HMCES: variants seen among roughly 807,000 people sequenced by gnomAD.
HMCES encodes abasic site processing protein HMCES.
Under a neutral mutation model 35.1 loss-of-function variants are expected in HMCES, and 27 were observed. The observed-to-expected ratio is 0.77, with a 90% CI of 0.57 to 1.06. The LOEUF is 1.06. Among genes scored for constraint, HMCES ranks in the 50% least tolerant of loss-of-function variants. The pLI is 0.00. For missense variants in HMCES, 391 were observed against 430.4 expected, an observed-to-expected ratio of 0.91 and a Z score of 0.81; for synonymous variants, 130 against 154.7, an observed-to-expected ratio of 0.84 and a Z score of 1.18.
Position 129,289,000 on chromosome 3 carries a change from A to G in HMCES, c.327+3A>G. 6.4e-7 allele frequency: 1 copy of G among 1,552,356 alleles called. No individual in the cohort carries two copies. On this transcript the variant is annotated splice_donor_region_variant and intron_variant, in intron 3 of 6. Coordinates refer to ENST00000383463, the MANE Select transcript of HMCES (RefSeq NM_020187.3). ...TAATGGAGAAACGGTCATTTAAGGT[A>G]GGTGGCTGGTAGCTATTAGTGCCCC... is the stretch of plus-strand genomic sequence containing the variant.
In HMCES at chr3:129,287,770, C is replaced by T. The variant is rs546789606; in HGVS notation, c.184-1084C>T. Among the ~76,000 whole-genome samples, 150 of 152,212 alleles carry T rather than the reference C, an allele frequency of 9.9e-4. 1 individual carries two copies. Among genetic ancestry groups the T allele is most frequent in the South Asian group, 5.8e-3 (28 of 4,816 alleles). On this transcript the variant is annotated intron_variant, in intron 2 of 6. Transcript: ENST00000383463. ...GGAAAATCACTTGAGCCTAAGAGTT[C>T]GAGACCAGGCCAGGCACAGGGGCTC... is the stretch of plus-strand genomic sequence containing the variant.
At chr3:129,295,156 C>A (rs2071076621) in intron 4 of HMCES, among the ~76,000 whole-genome samples, 1 of 122,256 alleles carries the variant, frequency 8.2e-6, no homozygotes. Flanking sequence ...GAGACTCCAT[C>A]TCAAAAAAAA....
In HMCES at chr3:129,295,970, G is replaced by C. The variant is rs141575623; in HGVS notation, c.454-2384G>C. Among the ~76,000 whole-genome samples, 543 of 152,190 alleles carry C rather than the reference G, an allele frequency of 3.6e-3. 2 individuals are homozygous for C. The highest frequency in any genetic ancestry group is 0.012 in the African/African-American group (500 of 41,516). ...TGGGATTCTAATGACACATGTGTTA[G>C]ATGATTTAATTGTACCATCGTTCTT... On this transcript the variant is annotated intron_variant, in intron 4 of 6. Coordinates refer to ENST00000383463, the MANE Select transcript of HMCES (RefSeq NM_020187.3).
chr3:129,298,337 A>G lies in HMCES; in HGVS notation c.454-17A>G, dbSNP rs375198076. The G allele has an allele frequency of 3.7e-6, 6 of 1,613,604 alleles. No homozygotes were observed. The African/African-American group carries it at 5.3e-5, about 14-fold the overall frequency. On this transcript the variant is annotated splice_polypyrimidine_tract_variant and intron_variant, in intron 4 of 6. Coordinates refer to ENST00000383463, the MANE Select transcript of HMCES (RefSeq NM_020187.3). ...TCTGCTGAGTGCATCTAATCTGCCC[A>G]TATATTTTGCTTCCAGTCAGGTAGC...
At chr3:129,283,734 G>C (rs1470280333) in intron 2 of HMCES, among the ~76,000 whole-genome samples, 2 of 152,138 alleles carry the variant, frequency 1.3e-5, no homozygotes, top group Non-Finnish European at 2.9e-5. Context: ...GGAGGCTGAG[G>C]CAGGAGAATC....
intron 5 of HMCES, among the ~76,000 whole-genome samples, chr3:129,300,712 CTG>C (rs1200109752): frequency 6.6e-6 from 1 of 151,734 alleles, no homozygotes; most frequent in East Asian, 1.9e-4. Context: ...CTGGCGAACA[CTG>C]TGAAACCCCA....
At chr3:129,291,958 C>T (rs1469311129) in intron 4 of HMCES, among the ~76,000 whole-genome samples, 1 of 152,024 alleles carries the variant, frequency 6.6e-6, no homozygotes, top group Non-Finnish European at 1.5e-5. Flanking sequence ...TGGGCGTGGT[C>T]CCAGCTACTT....
intron 2 of HMCES, among the ~76,000 whole-genome samples, chr3:129,285,751 A>G (rs1178768074): frequency 7.2e-6 from 1 of 139,478 alleles, no homozygotes; most frequent in Non-Finnish European, 1.6e-5. Flanking sequence ...CCGGCCCAGG[A>G]TTTTTTTTTT....
chr3:129,290,733 TG>T lies in HMCES; in HGVS notation c.384del (p.Trp128CysfsTer47). On this transcript the variant is annotated frameshift_variant, in exon 4 of 7. Coordinates refer to ENST00000383463, the MANE Select transcript of HMCES (RefSeq NM_020187.3). LOFTEE classifies it high-confidence loss of function. ...CVVLADGFYE[W>X]QRCQGTNQRQ... is the part of the protein sequence containing the mutation. ...CGTTTTAGCAGATGGATTCTATGAG[TG>T]GCAGCGATGTCAGGGAACAAACCAG... The T allele has an allele frequency of 6.2e-7, 1 of 1,613,572 alleles. No homozygotes were observed. The highest frequency in any genetic ancestry group is 8.5e-7 in the Non-Finnish European group (1 of 1,179,544).
chr3:129,284,373 C>G (rs1248712905), intron 2 of HMCES, among the ~76,000 whole-genome samples: 1 of 152,176 alleles, frequency 6.6e-6, no homozygotes. Context: ...AGTTATAGTG[C>G]TCTTGGTCTT....
intron 5 of HMCES, among the ~76,000 whole-genome samples, chr3:129,300,254 C>T (rs1317222432): frequency 1.3e-5 from 2 of 150,282 alleles, no homozygotes; most frequent in African/African-American, 4.9e-5. Flanking sequence ...ATGCAGTGAG[C>T]CAAAGTAGCA....
chr3:129,282,734 T>C (rs1225400798), intron 2 of HMCES, among the ~76,000 whole-genome samples: 1 of 152,250 alleles, frequency 6.6e-6, no homozygotes, highest in Non-Finnish European at 1.5e-5. Flanking sequence ...CATATGTATA[T>C]AGATAGCAAC....
chr3:129,299,645 C>CT (rs2071136549), intron 5 of HMCES, among the ~76,000 whole-genome samples: 3 of 125,322 alleles, frequency 2.4e-5, no homozygotes, highest in Admixed American at 1.8e-4. Context: ...CTTATAGGTG[C>CT]TTCTTTTTTT....
intron 2 of HMCES, among the ~76,000 whole-genome samples, chr3:129,285,364 G>A (rs751034087): frequency 1.3e-5 from 2 of 151,974 alleles, no homozygotes; most frequent in Non-Finnish European, 2.9e-5. Context: ...TATCCCACAG[G>A]GTAATTATTG....
At chr3:129,290,190 C>CAAAAAA (rs747358663) in intron 3 of HMCES, among the ~76,000 whole-genome samples, 3 of 61,002 alleles carry the variant, frequency 4.9e-5, no homozygotes, top group Non-Finnish European at 1.1e-4. Context: ...GACTCCGTCT[C>CAAAAAA]AAAAAAAAAA....
At chr3:129,290,294 A>G (rs76566798) in intron 3 of HMCES, among the ~76,000 whole-genome samples, 3 of 128,490 alleles carry the variant, frequency 2.3e-5, no homozygotes, top group South Asian at 2.4e-4. Context: ...TTGTTTGTTT[A>G]TTTATTTTGA....
chr3:129,285,905 T>C (rs1940627701), intron 2 of HMCES, among the ~76,000 whole-genome samples: 1 of 151,934 alleles, frequency 6.6e-6, no homozygotes, highest in Non-Finnish European at 1.5e-5. Context: ...AATTTTTGTA[T>C]TTTTAGGAAA....
At position 129,301,030 on chromosome 3, in the gene HMCES, C is replaced by CAAAGA. The variant is rs1553801615; in HGVS notation, c.636-917_636-916insGAAAA. On this transcript the variant is annotated intron_variant, in intron 5 of 6. Transcript: ENST00000383463. ...TGGGCAACACAGTGAGACTCCATCT[C>CAAAGA]AAAAAAAAAAAATTAGCCGGGCATG... 6.5e-4 allele frequency among the ~76,000 whole-genome samples: 78 copies of CAAAGA among 119,650 alleles called. 1 individual carries two copies. Among genetic ancestry groups the CAAAGA allele is most frequent in the South Asian group, 2.1e-3 (8 of 3,806 alleles). 78.5% of individuals were successfully genotyped at this position (119,650 alleles called of 152,430 possible).
chr3:129,285,455 A>AT lies in HMCES; in HGVS notation c.184-3385dup, dbSNP rs150463854. On this transcript the variant is annotated intron_variant, in intron 2 of 6. Coordinates refer to ENST00000383463, the MANE Select transcript of HMCES (RefSeq NM_020187.3). ...CAACCTCATAAGTAGCAGAGAAAGG[A>AT]TTTTTTTTTTTTTTGAGATGGAGTC... Among the ~76,000 whole-genome samples the AT allele has an allele frequency of 3.0e-3, 439 of 144,824 alleles. 2 individuals are homozygous for AT. The highest frequency in any genetic ancestry group is 0.017 in the South Asian group (76 of 4,592).
Sources: gnomAD v4.1 joint callset for allele counts (sites outside exome capture counted in the v4.1 genomes callset) on GRCh38, gnomAD v4.1.1 for gene constraint, MANE v1.5 for transcripts, NCBI Gene and HGNC (gene_info 2026-07-23, HGNC 2026-07-21) for gene names.